The following KCNG3 variants were observed in gnomAD, a reference collection of about 807,000 sequenced individuals.
The protein encoded by KCNG3 is voltage-gated potassium channel regulatory subunit KCNG3.
In KCNG3, 15 loss-of-function variants were observed where a neutral mutation model predicts 29.0. The observed-to-expected ratio is 0.52, with a 90% CI of 0.35 to 0.80. The LOEUF is 0.80. KCNG3 is among the 30% of genes least tolerant of loss of function. KCNG3 has a pLI of 0.01. For synonymous variants in KCNG3, 322 were observed against 248.9 expected, an observed-to-expected ratio of 1.29 and a Z score of -2.76; for missense variants, 512 against 605.7, an observed-to-expected ratio of 0.85 and a Z score of 1.62.
At chr2:42,480,481 G>C (rs1054250529) in intron 1 of KCNG3, among the ~76,000 whole-genome samples, 1 of 152,092 alleles carries the variant, frequency 6.6e-6, no homozygotes, top group East Asian at 1.9e-4. Context: ...AGGCCATACA[G>C]TTTCTATTGC....
At chr2:42,440,925 T>A (rs955107381), downstream of KCNG3, among the ~76,000 whole-genome samples, 1 of 152,202 alleles carries the variant, frequency 6.6e-6, no homozygotes, top group Admixed American at 6.5e-5. Flanking sequence ...ATTAGGAGAT[T>A]AGGGCTTTTT....
chr2:42,479,028 A>C (rs1673512046), intron 1 of KCNG3, among the ~76,000 whole-genome samples: 1 of 151,772 alleles, frequency 6.6e-6, no homozygotes, highest in Non-Finnish European at 1.5e-5. Flanking sequence ...TCGAAATCCA[A>C]AATACTCCAA....
At chr2:42,481,949 T>G (rs1479949700) in intron 1 of KCNG3, among the ~76,000 whole-genome samples, 1 of 152,190 alleles carries the variant, frequency 6.6e-6, no homozygotes, top group Non-Finnish European at 1.5e-5. Flanking sequence ...TCTGGGTTTT[T>G]CTTGTTGTTG....
chr2:42,401,147 T>C, the KCNG3 span, among the ~76,000 whole-genome samples: 3 of 149,836 alleles, frequency 2.0e-5, no homozygotes, highest in Non-Finnish European at 3.0e-5. Flanking sequence ...ATATTATATA[T>C]ACATATTTTT....
At chr2:42,450,851 A>C (rs1270192338) in intron 1 of KCNG3, among the ~76,000 whole-genome samples, 3 of 152,224 alleles carry the variant, frequency 2.0e-5, no homozygotes, top group Non-Finnish European at 4.4e-5. Flanking sequence ...GATCTACAAG[A>C]TTTTAAAGCT....
intron 1 of KCNG3, among the ~76,000 whole-genome samples, chr2:42,460,611 A>G (rs1174290445): frequency 1.3e-5 from 2 of 152,188 alleles, no homozygotes; most frequent in East Asian, 1.9e-4. Flanking sequence ...GAAAGTGGCG[A>G]TTTAATTTGG....
At position 42,493,229 on chromosome 2, in the gene KCNG3, C is replaced by G; in HGVS notation, c.273G>C (p.Glu91Asp). 6.2e-7 allele frequency: 1 copy of G among 1,611,766 alleles called. No homozygotes were observed. Among genetic ancestry groups the G allele is most frequent in the Non-Finnish European group, 8.5e-7 (1 of 1,179,882 alleles). ...GKLRFAPRMC[E>D]LSFYNEMIYW... ...AGATCATCTCGTTGTAGAAGGAGAGCTCGCACATCCGCGGCGCGAAGCGCA... is the reference window on the plus strand; with the variant it reads ...AGATCATCTCGTTGTAGAAGGAGAGGTCGCACATCCGCGGCGCGAAGCGCA... Residue 91 changes from glutamate (E) to aspartate (D), a missense_variant, in exon 1 of 2, where the codon GAG (glutamate) becomes GAC (aspartate). Physicochemically the swap from Glu to Asp is conservative, Grantham distance 45. Around this residue, in one of 5 missense-constraint regions of KCNG3, gnomAD observed 228 missense variants for 200.0 expected, o/e 1.14. Coordinates refer to ENST00000306078, the MANE Select transcript of KCNG3 (RefSeq NM_133329.6).
chr2:42,404,350 T>A, the KCNG3 span, among the ~76,000 whole-genome samples: 1 of 152,218 alleles, frequency 6.6e-6, no homozygotes. Flanking sequence ...TACAAAATTG[T>A]TGACAAGGCT....
At chr2:42,475,574 C>CCCACCTCAGCCT (rs1017440097) in intron 1 of KCNG3, among the ~76,000 whole-genome samples, 1 of 151,466 alleles carries the variant, frequency 6.6e-6, no homozygotes, top group African/African-American at 2.4e-5. Flanking sequence ...AACTGATCTG[C>CCCACCTCAGCCT]CCACCTCAGC....
chr2:42,402,722 C>T, the KCNG3 span, among the ~76,000 whole-genome samples: 62 of 152,286 alleles, frequency 4.1e-4, no homozygotes, highest in African/African-American at 1.5e-3. Flanking sequence ...AATATTTGGG[C>T]TCTGTTTTGG....
At chr2:42,473,481 C>G (rs1673343546) in intron 1 of KCNG3, among the ~76,000 whole-genome samples, 1 of 152,038 alleles carries the variant, frequency 6.6e-6, no homozygotes, top group African/African-American at 2.4e-5. Flanking sequence ...TCCTGAGTAG[C>G]TGGGACTACA....
the KCNG3 span, among the ~76,000 whole-genome samples, chr2:42,411,713 C>A: frequency 1.3e-5 from 2 of 152,178 alleles, no homozygotes; most frequent in African/African-American, 4.8e-5. Context: ...GAACTCCTGG[C>A]ATCAAGTGAT....
intron 1 of KCNG3, among the ~76,000 whole-genome samples, chr2:42,483,518 G>A (rs545741954): frequency 3.0e-4 from 45 of 152,248 alleles, no homozygotes; most frequent in East Asian, 5.8e-4. Context: ...AGCCCAGGGC[G>A]CCACTGACCC....
the KCNG3 span, among the ~76,000 whole-genome samples, chr2:42,405,488 G>A: frequency 6.6e-6 from 1 of 151,542 alleles, no homozygotes; most frequent in South Asian, 2.1e-4. Context: ...TCCCAGGCTG[G>A]AATGCAGTGG....
chr2:42,457,627 T>TCTCA (rs1553327818), intron 1 of KCNG3, among the ~76,000 whole-genome samples: 181 of 125,522 alleles, frequency 1.4e-3, no homozygotes, highest in African/African-American at 5.0e-3. Context: ...CAGGCAGATC[T>TCTCA]CACACACACA....
intron 1 of KCNG3, among the ~76,000 whole-genome samples, chr2:42,446,211 C>A: frequency 6.6e-6 from 1 of 151,688 alleles, no homozygotes; most frequent in African/African-American, 2.4e-5. Context: ...GAGTGTCGTT[C>A]TGTCACCCAG....
chr2:42,451,908 AAACAAC>A (rs539717843), intron 1 of KCNG3, among the ~76,000 whole-genome samples: 482 of 151,802 alleles, frequency 3.2e-3, no homozygotes, highest in Middle Eastern at 6.8e-3. Flanking sequence ...TCAAAAACAA[AAACAAC>A]AACAACAACA....
chr2:42,475,450 T>C (rs1278722869), intron 1 of KCNG3, among the ~76,000 whole-genome samples: 1 of 150,756 alleles, frequency 6.6e-6, no homozygotes, highest in Admixed American at 6.7e-5. Flanking sequence ...TGCCTCAGCC[T>C]CCCGGATAGC....
the KCNG3 span, among the ~76,000 whole-genome samples, chr2:42,435,208 C>T: frequency 1.8e-3 from 275 of 152,138 alleles, 1 homozygote; most frequent in Admixed American, 1.7e-3. Context: ...GAGGCTGAGG[C>T]AGGAGAATCG....
Sources: gnomAD v4.1 joint callset for allele counts (sites outside exome capture counted in the v4.1 genomes callset) on GRCh38, gnomAD v4.1.1 for gene constraint, gnomAD v4.1.1 regional missense constraint, MANE v1.5 for transcripts, NCBI Gene and HGNC (gene_info 2026-07-23, HGNC 2026-07-21) for gene names.